WWOX: variants seen among roughly 807,000 people sequenced by gnomAD.
WWOX encodes the protein WW domain containing oxidoreductase.
A neutral mutation model predicts 46.2 loss-of-function variants in WWOX; 69 were observed. The observed-to-expected ratio is 1.49, with a 90% CI of 1.23 to 1.82. The LOEUF (loss-of-function observed/expected upper bound fraction) is 1.82, where lower values mean the gene tolerates loss of function less well. Among genes scored for constraint, WWOX ranks in the 40% most tolerant of loss-of-function variants. The pLI, the probability that WWOX is intolerant of heterozygous loss-of-function variation, is 0.00. For missense variants in WWOX, 919 were observed against 542.6 expected, an observed-to-expected ratio of 1.69 and a Z score of -6.89; for synonymous variants, 359 against 202.6, an observed-to-expected ratio of 1.77 and a Z score of -6.56.
chr16:78,625,144 G>T (rs1050382102), intron 8 of WWOX, among the ~76,000 whole-genome samples: 5 of 152,168 alleles, frequency 3.3e-5, no homozygotes, highest in Non-Finnish European at 5.9e-5. Context: ...AACTTTGCTG[G>T]AGAACATCAC....
chr16:78,947,634 C>T (rs1251107222), intron 8 of WWOX, among the ~76,000 whole-genome samples: 5 of 152,108 alleles, frequency 3.3e-5, no homozygotes, highest in Non-Finnish European at 5.9e-5. Flanking sequence ...AGATAACCCC[C>T]GATCGTAATA....
chr16:78,691,032 C>T (rs546493978), intron 8 of WWOX, among the ~76,000 whole-genome samples: 10 of 152,102 alleles, frequency 6.6e-5, no homozygotes, highest in Admixed American at 3.9e-4. Context: ...CAGACATACT[C>T]GATACATCTT....
chr16:78,303,391 C>T (rs997838309), intron 5 of WWOX, among the ~76,000 whole-genome samples: 5 of 152,174 alleles, frequency 3.3e-5, no homozygotes, highest in Admixed American at 6.5e-5. Context: ...GAACAGCCTA[C>T]ACAGACATGA....
intron 8 of WWOX, among the ~76,000 whole-genome samples, chr16:78,675,817 A>T (rs2047584341): frequency 6.6e-6 from 1 of 152,270 alleles, no homozygotes; most frequent in Admixed American, 6.5e-5. Context: ...GTACTAAAAA[A>T]TTATTAAAAG....
chr16:78,815,475 C>G (rs1306187436), intron 8 of WWOX, among the ~76,000 whole-genome samples: 5 of 152,174 alleles, frequency 3.3e-5, no homozygotes, highest in Non-Finnish European at 5.9e-5. Flanking sequence ...TTACTAAACA[C>G]TTCTTACGTT....
At chr16:78,424,836 A>G in intron 6 of WWOX, 34 bp from the exon 7 acceptor site, 1 of 1,613,130 alleles carries the variant, frequency 6.2e-7, no homozygotes, top group Non-Finnish European at 8.5e-7. Flanking sequence ...TGTAGTGTTT[A>G]TGTCCACATC....
intron 8 of WWOX, among the ~76,000 whole-genome samples, chr16:78,770,193 A>C (rs952907614): frequency 3.3e-5 from 5 of 152,076 alleles, no homozygotes; most frequent in Non-Finnish European, 7.4e-5. Flanking sequence ...TCTACTAAAA[A>C]TACAAAAGTG....
At position 78,741,762 on chromosome 16, in the gene WWOX, G is replaced by A. The variant is rs544160089; in HGVS notation, c.1056+309010G>A. Among the ~76,000 whole-genome samples the A allele has an allele frequency of 4.6e-5, 7 of 152,208 alleles. No homozygotes were observed. The East Asian group carries it at 9.7e-4, about 21-fold the overall frequency. ...CTCAGCTACTCAGGAGGCTGAGGCA[G>A]GAGAATTGCTTGAATCCAGGAGACG... On this transcript the variant is annotated intron_variant, in intron 8 of 8. Coordinates refer to ENST00000566780, the MANE Select transcript of WWOX (RefSeq NM_016373.4).
intron 8 of WWOX, among the ~76,000 whole-genome samples, chr16:78,641,748 C>G (rs1024529536): frequency 2.0e-5 from 3 of 152,090 alleles, no homozygotes; most frequent in African/African-American, 4.8e-5. Context: ...TAGCAAAAGA[C>G]GAAGACTAAT....
At chr16:78,995,909 T>G (rs1429020128) in intron 8 of WWOX, among the ~76,000 whole-genome samples, 1 of 152,222 alleles carries the variant, frequency 6.6e-6, no homozygotes, top group Non-Finnish European at 1.5e-5. Context: ...CAAACGATTT[T>G]GCGTTTATAC....
At chr16:79,026,202 G>T (rs1235237685) in intron 8 of WWOX, among the ~76,000 whole-genome samples, 1 of 151,614 alleles carries the variant, frequency 6.6e-6, no homozygotes, top group Non-Finnish European at 1.5e-5. Flanking sequence ...ACCCTCATAT[G>T]CCCTAGAGGC....
At chr16:78,461,967 C>A (rs770215698) in intron 8 of WWOX, among the ~76,000 whole-genome samples, 1 of 152,334 alleles carries the variant, frequency 6.6e-6, no homozygotes, top group South Asian at 2.1e-4. Flanking sequence ...AATGGAAGGA[C>A]CCTCAACAGA....
intron 8 of WWOX, among the ~76,000 whole-genome samples, chr16:78,438,149 T>C (rs977747817): frequency 1.3e-5 from 2 of 151,726 alleles, no homozygotes; most frequent in Non-Finnish European, 3.0e-5. Context: ...ACCACGATGC[T>C]TTATGTATCA....
intron 7 of WWOX, among the ~76,000 whole-genome samples, chr16:78,428,660 T>C (rs1027008129): frequency 2.0e-5 from 3 of 152,230 alleles, no homozygotes; most frequent in Non-Finnish European, 2.9e-5. Flanking sequence ...TCCCTAGTCA[T>C]GACATACTTC....
At chr16:78,507,328 A>C (rs2085233556) in intron 8 of WWOX, among the ~76,000 whole-genome samples, 1 of 152,234 alleles carries the variant, frequency 6.6e-6, no homozygotes, top group Non-Finnish European at 1.5e-5. Context: ...AGGAAACATC[A>C]ATGCTTATTT....
At chr16:78,778,925 G>A (rs1047322273) in intron 8 of WWOX, among the ~76,000 whole-genome samples, 5 of 152,074 alleles carry the variant, frequency 3.3e-5, no homozygotes, top group African/African-American at 7.2e-5. Flanking sequence ...ATAGGATGTC[G>A]CCCCTTGTTC....
In WWOX at chr16:79,181,670, A is replaced by G. The variant is rs1458721984; in HGVS notation, c.1057-29938A>G. On this transcript the variant is annotated intron_variant, in intron 8 of 8. Transcript: ENST00000566780. Reference sequence around the variant, plus strand: ...GGTATCCAGTTCTTTGCTTTGATAAATAATGCTGAGATGAACATCTTTCTG... The same window carrying G: ...GGTATCCAGTTCTTTGCTTTGATAAGTAATGCTGAGATGAACATCTTTCTG... Among the ~76,000 whole-genome samples the G allele has an allele frequency of 4.6e-5, 7 of 152,276 alleles. No individual in the cohort carries two copies. The East Asian group carries it at 9.7e-4, about 21-fold the overall frequency.
intron 8 of WWOX, among the ~76,000 whole-genome samples, chr16:78,840,648 G>A (rs988358722): frequency 3.3e-5 from 5 of 151,924 alleles, no homozygotes; most frequent in African/African-American, 1.2e-4. Flanking sequence ...GAGGGATCTT[G>A]TTAAATTTGG....
intron 8 of WWOX, among the ~76,000 whole-genome samples, chr16:78,884,220 C>A (rs937426161): frequency 8.7e-5 from 12 of 137,280 alleles, no homozygotes; most frequent in Admixed American, 7.6e-4. Context: ...CTACAGTGAG[C>A]TGTGATTAGG....
Sources: allele counts gnomAD v4.1 joint callset (sites outside exome capture counted in the v4.1 genomes callset), GRCh38; gene constraint gnomAD v4.1.1; transcripts MANE v1.5; gene names NCBI Gene and HGNC (gene_info 2026-07-23, HGNC 2026-07-21).